Variants in MDGA2 observed in about 807,000 individuals in gnomAD.
MDGA2 encodes the protein MAM domain containing glycosylphosphatidylinositol anchor 2.
A neutral mutation model predicts 117.8 loss-of-function variants in MDGA2; 40 were observed. The ratio of observed to expected loss-of-function variants is 0.34; its 90% CI spans 0.26 to 0.44. The LOEUF is 0.44. Ranked by LOEUF, MDGA2 falls within the 20% of genes least tolerant of loss-of-function variation. MDGA2 has a pLI of 1.00. For synonymous variants in MDGA2, 452 were observed against 439.0 expected, an observed-to-expected ratio of 1.03 and a Z score of -0.37; for missense variants, 1,123 against 1,250.6, an observed-to-expected ratio of 0.90 and a Z score of 1.54.
At chr14:46,864,976 CCTTAT>C (rs1018933103) in intron 14 of MDGA2, among the ~76,000 whole-genome samples, 3 of 151,920 alleles carry the variant, frequency 2.0e-5, no homozygotes, top group Non-Finnish European at 4.4e-5. Context: ...AATAATGGCT[CCTTAT>C]CTTAACATTC....
At chr14:47,114,398 T>G (rs977727627) in intron 5 of MDGA2, among the ~76,000 whole-genome samples, 6 of 152,260 alleles carry the variant, frequency 3.9e-5, no homozygotes, top group African/African-American at 1.4e-4. Context: ...ACCATTGACA[T>G]TCTTCCCAGA....
chr14:47,604,490 C>T (rs1211226904), intron 1 of MDGA2, among the ~76,000 whole-genome samples: 3 of 130,572 alleles, frequency 2.3e-5, no homozygotes, highest in Non-Finnish European at 3.2e-5. Flanking sequence ...CTTCCCCACC[C>T]CCCCCCACCC....
intron 8 of MDGA2, among the ~76,000 whole-genome samples, chr14:47,003,184 T>C (rs1292830366): frequency 6.6e-6 from 1 of 152,282 alleles, no homozygotes; most frequent in South Asian, 2.1e-4. Flanking sequence ...GTGTCCATGA[T>C]TGAAGTTTGT....
At chr14:47,125,590 G>T (rs918022799) in intron 5 of MDGA2, among the ~76,000 whole-genome samples, 1 of 151,770 alleles carries the variant, frequency 6.6e-6, no homozygotes, top group East Asian at 1.9e-4. Flanking sequence ...GAGTAGAAGA[G>T]AAAGGAAAAA....
intron 8 of MDGA2, among the ~76,000 whole-genome samples, chr14:46,983,108 TTTA>T (rs1886744872): frequency 6.6e-6 from 1 of 152,116 alleles, no homozygotes; most frequent in Admixed American, 6.6e-5. Context: ...CTGGATTACG[TTTA>T]TTGATAAAAA....
chr14:47,198,600 T>A (rs1437562415), intron 3 of MDGA2, among the ~76,000 whole-genome samples: 1 of 152,086 alleles, frequency 6.6e-6, no homozygotes, highest in East Asian at 1.9e-4. Flanking sequence ...AATGATAGGA[T>A]GAGTACTAGC....
rs757117529 is a variant in MDGA2, at chr14:47,674,729, C to G, written c.68G>C (p.Arg23Pro). ...AACCGCTCGCCGAAGGAGGAAGCGCCGTCCGTCTGTCCTTCCCCGGCGGCG... is the reference window on the plus strand; with the variant it reads ...AACCGCTCGCCGAAGGAGGAAGCGCGGTCCGTCTGTCCTTCCCCGGCGGCG... ...RRRRRGRTDG[R>P]RFLLRRAVPG... The change falls in exon 1 of 17, where the codon CGG becomes CCG. Residue 23 changes from arginine to proline, a missense_variant. By Grantham distance (103) the Arg-to-Pro change is moderately radical. Around this residue, in one of 2 missense-constraint regions of MDGA2, gnomAD observed 233 missense variants for 200.3 expected, o/e 1.16. Transcript: ENST00000399232. The G allele has an allele frequency of 1.2e-6, 1 of 802,346 alleles. No individual in the cohort carries two copies. 49.7% of individuals were successfully genotyped at this position (802,346 alleles called of 1,614,324 possible). A position where few individuals can be genotyped will look rare whatever the true frequency, so the allele number is the denominator to read the frequency against.
chr14:47,086,266 G>T (rs1409264834), intron 6 of MDGA2, among the ~76,000 whole-genome samples: 1 of 151,748 alleles, frequency 6.6e-6, no homozygotes, highest in Admixed American at 6.6e-5. Flanking sequence ...GTAAAAAGAA[G>T]AAGAGAAGAT....
In MDGA2 at chr14:47,454,194, C is replaced by T. The variant is rs145243699; in HGVS notation, c.281-152644G>A. 6.3e-3 allele frequency among the ~76,000 whole-genome samples: 961 copies of T among 152,240 alleles called. 5 individuals are homozygous for T. Among genetic ancestry groups the T allele is most frequent in the Non-Finnish European group, 9.7e-3 (659 of 68,020 alleles). ...CAAGTGATTGATTGACACTTCATCT[C>T]ATCCAGGGAGGTGGGAGAGTGTCAT... On this transcript the variant is annotated intron_variant, in intron 1 of 16. Coordinates refer to ENST00000399232, the MANE Select transcript of MDGA2 (RefSeq NM_001113498.3).
intron 10 of MDGA2, among the ~76,000 whole-genome samples, chr14:46,886,206 T>C (rs1471312529): frequency 6.6e-6 from 1 of 152,142 alleles, no homozygotes; most frequent in African/African-American, 2.4e-5. Flanking sequence ...TAAATTCTTA[T>C]ACTTGGAAAC....
intron 1 of MDGA2, among the ~76,000 whole-genome samples, chr14:47,318,334 G>A (rs1889870934): frequency 6.6e-6 from 1 of 152,082 alleles, no homozygotes; most frequent in Admixed American, 6.6e-5. Flanking sequence ...TTTCTAACTT[G>A]CTCTGTTTAA....
intron 6 of MDGA2, among the ~76,000 whole-genome samples, chr14:47,064,797 G>A (rs200677620): frequency 4.6e-5 from 7 of 152,010 alleles, no homozygotes; most frequent in East Asian, 3.9e-4. Context: ...ATAATTAAAC[G>A]CTCTCTTTTT....
intron 10 of MDGA2, among the ~76,000 whole-genome samples, chr14:46,903,547 C>T (rs1040736534): frequency 6.6e-6 from 1 of 152,102 alleles, no homozygotes; most frequent in Non-Finnish European, 1.5e-5. Flanking sequence ...ATTCTATTTC[C>T]AATAGATGAA....
intron 8 of MDGA2, among the ~76,000 whole-genome samples, chr14:46,974,880 A>T (rs77676849): frequency 6.6e-6 from 1 of 152,218 alleles, no homozygotes; most frequent in Non-Finnish European, 1.5e-5. Flanking sequence ...TTTTTTTTCA[A>T]GTTGTGCATT....
At chr14:47,463,184 T>C (rs1237474447) in intron 1 of MDGA2, among the ~76,000 whole-genome samples, 1 of 152,238 alleles carries the variant, frequency 6.6e-6, no homozygotes, top group Non-Finnish European at 1.5e-5. Context: ...AATTTATATC[T>C]CAAATTAAAT....
intron 1 of MDGA2, among the ~76,000 whole-genome samples, chr14:47,608,803 T>C (rs1896787224): frequency 6.6e-6 from 1 of 152,072 alleles, no homozygotes; most frequent in Non-Finnish European, 1.5e-5. Flanking sequence ...TAGGATCTTG[T>C]CTGTGATTCA....
At chr14:47,224,851 G>T (rs569665606) in intron 2 of MDGA2, among the ~76,000 whole-genome samples, 1 of 152,076 alleles carries the variant, frequency 6.6e-6, no homozygotes, top group Non-Finnish European at 1.5e-5. Flanking sequence ...TTATCCTTTT[G>T]TCCTGCACTG....
At chr14:46,991,057 G>T (rs188889503) in intron 8 of MDGA2, among the ~76,000 whole-genome samples, 2 of 152,178 alleles carry the variant, frequency 1.3e-5, no homozygotes, top group Non-Finnish European at 2.9e-5. Context: ...CCTTCAATAT[G>T]AAATAAGTAG....
At chr14:46,981,178 G>A (rs183565445) in intron 8 of MDGA2, among the ~76,000 whole-genome samples, 4 of 151,694 alleles carry the variant, frequency 2.6e-5, no homozygotes, top group African/African-American at 9.7e-5. Context: ...CCAAGGGGGG[G>A]GCGGATCATG....
Sources: allele counts gnomAD v4.1 joint callset (sites outside exome capture counted in the v4.1 genomes callset), GRCh38; gene constraint gnomAD v4.1.1; regional missense constraint gnomAD v4.1.1; transcripts MANE v1.5; gene names NCBI Gene and HGNC (gene_info 2026-07-23, HGNC 2026-07-21).